IL21R: variants seen among roughly 807,000 people sequenced by gnomAD.
IL21R encodes interleukin-21 receptor.
A neutral mutation model predicts 41.3 loss-of-function variants in IL21R; 14 were observed. The observed-to-expected ratio is 0.34, with a 90% confidence interval of 0.22 to 0.53. The LOEUF (loss-of-function observed/expected upper bound fraction) is 0.53, where lower values mean the gene tolerates loss of function less well. Among genes scored for constraint, IL21R ranks in the 20% least tolerant of loss-of-function variants. The pLI is 0.94. For missense variants in IL21R, 588 were observed against 681.6 expected, an observed-to-expected ratio of 0.86 and a Z score of 1.53; for synonymous variants, 286 against 287.6, an observed-to-expected ratio of 0.99 and a Z score of 0.05.
intron 2 of IL21R, among the ~76,000 whole-genome samples, chr16:27,431,781 G>A (rs2087176700): frequency 6.6e-6 from 1 of 152,080 alleles, no homozygotes; most frequent in African/African-American, 2.4e-5. Context: ...CTCCCGAGCA[G>A]CTGGGATAAC....
At chr16:27,412,919 G>C (rs1003113447) in intron 1 of IL21R, among the ~76,000 whole-genome samples, 2 of 152,102 alleles carry the variant, frequency 1.3e-5, no homozygotes, top group African/African-American at 4.8e-5. Context: ...TCTGTGAACA[G>C]AGATAATTGC....
chr16:27,426,447 T>C (rs2087079707), intron 1 of IL21R, among the ~76,000 whole-genome samples: 1 of 152,234 alleles, frequency 6.6e-6, no homozygotes, highest in Non-Finnish European at 1.5e-5. Flanking sequence ...AACACTCCAG[T>C]GTGGCTGCAG....
chr16:27,408,012 C>G (rs1174245772), intron 1 of IL21R, among the ~76,000 whole-genome samples: 1 of 152,236 alleles, frequency 6.6e-6, no homozygotes, highest in Non-Finnish European at 1.5e-5. Context: ...AAAGCATTCT[C>G]TTTCATTTAG....
chr16:27,428,197 C>G (rs894998699), intron 1 of IL21R, among the ~76,000 whole-genome samples: 1 of 126,658 alleles, frequency 7.9e-6, no homozygotes, highest in African/African-American at 3.0e-5. Context: ...CTTGAATTCT[C>G]ACAAGCCTGG....
At chr16:27,411,037 T>G (rs1277956690) in intron 1 of IL21R, among the ~76,000 whole-genome samples, 1 of 152,254 alleles carries the variant, frequency 6.6e-6, no homozygotes, top group Non-Finnish European at 1.5e-5. Context: ...CCATTATGTA[T>G]GTACTACATT....
rs749956225 is a variant in IL21R, at chr16:27,444,523, C to T, written c.508-19C>T. 1 of 1,454,150 alleles carries T rather than the reference C, an allele frequency of 6.9e-7. No individual in the cohort carries two copies. The highest frequency in any genetic ancestry group is 9.1e-7 in the Non-Finnish European group (1 of 1,097,390). The allele number at this position is 1,454,150 out of a possible 1,614,324, so 90.1% of individuals were successfully genotyped here. A position where few individuals can be genotyped will look rare whatever the true frequency, so the allele number is the denominator to read the frequency against. On this transcript the variant is annotated intron_variant, in intron 5 of 8. Coordinates refer to ENST00000337929, the MANE Select transcript of IL21R (RefSeq NM_181078.3). ...CTGGTTTAACCCTGACCTGGTGCAT[C>T]CTTTCCTTGTACTGGCAGAGTCCGA...
Position 27,444,505 on chromosome 16 carries a change from A to C in IL21R, c.508-37A>C, listed in dbSNP as rs2087442904. On this transcript the variant is annotated intron_variant, in intron 5 of 8. Coordinates refer to ENST00000337929, the MANE Select transcript of IL21R (RefSeq NM_181078.3). ...CTGGAGGCAGGGGCTGGCCTGGTTT[A>C]ACCCTGACCTGGTGCATCCTTTCCT... 3 of 1,424,568 alleles carry C rather than the reference A, an allele frequency of 2.1e-6. No individual in the cohort carries two copies. The East Asian group carries it at 8.2e-5, about 39-fold the overall frequency. 88.2% of individuals were successfully genotyped at this position (1,424,568 alleles called of 1,614,324 possible).
Position 27,440,279 on chromosome 16 carries a change from A to AGAGAGAGAGAGAGAGAGAGAGAGAGC in IL21R, c.352+2593_352+2594insAGAGAGAGAGAGAGAGAGAGAGAGCG, listed in dbSNP as rs1567370043. Among the ~76,000 whole-genome samples the AGAGAGAGAGAGAGAGAGAGAGAGAGC allele has an allele frequency of 6.1e-5, 8 of 131,854 alleles. 1 individual carries two copies. Among genetic ancestry groups the AGAGAGAGAGAGAGAGAGAGAGAGAGC allele is most frequent in the African/African-American group, 2.5e-4 (8 of 31,996 alleles). 86.5% of individuals were successfully genotyped at this position (131,854 alleles called of 152,430 possible). A position where few individuals can be genotyped will look rare whatever the true frequency, so the allele number is the denominator to read the frequency against. On this transcript the variant is annotated intron_variant, in intron 4 of 8. Transcript: ENST00000337929. ...GAGAGAGAGAGAGAGAGAGAGAGAG[A>AGAGAGAGAGAGAGAGAGAGAGAGAGC]GCGAGCAAGCGCGCGCCAGGGTGTA...
At chr16:27,418,596 A>T (rs866391062) in intron 1 of IL21R, among the ~76,000 whole-genome samples, 33 of 149,210 alleles carry the variant, frequency 2.2e-4, no homozygotes, top group Non-Finnish European at 3.7e-4. Context: ...AGTCTTGATC[A>T]CCTGACCTCG....
At chr16:27,416,696 T>C (rs2086897177) in intron 1 of IL21R, among the ~76,000 whole-genome samples, 1 of 152,210 alleles carries the variant, frequency 6.6e-6, no homozygotes, top group Non-Finnish European at 1.5e-5. Context: ...TTCAACAAAG[T>C]TGTGCAGTCA....
At position 27,430,019 on chromosome 16, in the gene IL21R, C is replaced by T. The variant is rs566568471; in HGVS notation, c.-16-37C>T. The T allele has an allele frequency of 2.4e-5, 38 of 1,585,412 alleles. No homozygotes were observed. The African/African-American group carries it at 4.6e-4, about 19-fold the overall frequency. On this transcript the variant is annotated intron_variant, in intron 1 of 8. Transcript: ENST00000337929. The stretch of plus-strand genomic sequence containing the variant: ...AGGGGGAGGCCGGGGGAGCCCTGAG[C>T]CCGCCTGGCTCACCCTCCACTGTAC...
rs937599119 is a variant in IL21R at position 27,444,477 on chromosome 16, C to T, written c.508-65C>T. 2.0e-5 allele frequency: 24 copies of T among 1,188,628 alleles called. No homozygotes were observed. In the South Asian group the frequency reaches 4.3e-4, roughly 21 times the overall value. The allele number at this position is 1,188,628 out of a possible 1,614,324, so 73.6% of individuals were successfully genotyped here. On this transcript the variant is annotated intron_variant, in intron 5 of 8. Coordinates refer to ENST00000337929, the MANE Select transcript of IL21R (RefSeq NM_181078.3). ...ATGGAAGCTGGGAAAAGAGGTGGCT[C>T]TGCTGGAGGCAGGGGCTGGCCTGGT...
At position 27,434,472 on chromosome 16, in the gene IL21R, T is replaced by TC. The variant is rs781211788; in HGVS notation, c.152+27dup. 9.5e-6 allele frequency: 14 copies of TC among 1,479,822 alleles called. No individual in the cohort carries two copies. In the African/African-American group the frequency reaches 1.7e-4, roughly 18 times the overall value. The allele number at this position is 1,479,822 out of a possible 1,614,324, so 91.7% of individuals were successfully genotyped here. ...CTGGTAAGTAGCCGGGCCTCACCAG[T>TC]CCCCGGGGATGCAATTCAGGGTGCC... On this transcript the variant is annotated intron_variant, in intron 3 of 8. Coordinates refer to ENST00000337929, the MANE Select transcript of IL21R (RefSeq NM_181078.3).
At chr16:27,436,163 G>A (rs112974846) in intron 3 of IL21R, among the ~76,000 whole-genome samples, 4 of 152,198 alleles carry the variant, frequency 2.6e-5, no homozygotes, top group Non-Finnish European at 1.5e-5. Context: ...CGGGATGGCC[G>A]GTCTGCCGCA....
chr16:27,415,792 TA>T (rs1323833964), intron 1 of IL21R, among the ~76,000 whole-genome samples: 2 of 152,324 alleles, frequency 1.3e-5, no homozygotes, highest in East Asian at 1.9e-4. Flanking sequence ...GTTAATAATG[TA>T]AAAAAGCCTG....
At chr16:27,443,274 C>G (rs2087422503) in intron 5 of IL21R, among the ~76,000 whole-genome samples, 158 bp downstream of exon 5, 1 of 152,126 alleles carries the variant, frequency 6.6e-6, no homozygotes, top group African/African-American at 2.4e-5. Context: ...CCTCCTCCTC[C>G]CCTCACTTCT....
At chr16:27,420,370 A>G (rs2086980021) in intron 1 of IL21R, among the ~76,000 whole-genome samples, 1 of 152,218 alleles carries the variant, frequency 6.6e-6, no homozygotes, top group Non-Finnish European at 1.5e-5. Context: ...ATGAAATATC[A>G]TTATGCAGCA....
chr16:27,448,444 G>C (rs377222159), intron 8 of IL21R, 90 bp from the exon 9 acceptor site: 13 of 1,360,898 alleles, frequency 9.6e-6, no homozygotes, highest in Middle Eastern at 1.9e-4. Flanking sequence ...AGCAGAGCCA[G>C]ACTGTCTCAA....
At chr16:27,443,244 A>G in intron 5 of IL21R, 128 bp downstream of exon 5, 1 of 755,824 alleles carries the variant, frequency 1.3e-6, no homozygotes, top group Non-Finnish European at 2.0e-6. Context: ...CAAGGGCACG[A>G]GCACTCCCTT....
Sources: allele counts gnomAD v4.1 joint callset (sites outside exome capture counted in the v4.1 genomes callset), GRCh38; gene constraint gnomAD v4.1.1; transcripts MANE v1.5; gene names NCBI Gene and HGNC (gene_info 2026-07-23, HGNC 2026-07-21).